The following SIPA1L3 variants were observed in gnomAD, a reference collection of about 807,000 sequenced individuals.
SIPA1L3 encodes signal-induced proliferation-associated 1-like protein 3.
In SIPA1L3, 59 loss-of-function variants were observed where a neutral mutation model predicts 150.1. The observed-to-expected ratio is 0.39, with a 90% confidence interval of 0.32 to 0.49. The LOEUF (loss-of-function observed/expected upper bound fraction) is 0.49, where lower values mean the gene tolerates loss of function less well. Ranked by LOEUF, SIPA1L3 falls within the 20% of genes least tolerant of loss-of-function variation. The probability of loss-of-function intolerance (pLI) is 0.86; values close to 1 mark genes in which losing one functional copy is unlikely to be tolerated. For synonymous variants in SIPA1L3, 1,070 were observed against 1,077.6 expected (o/e 0.99, Z 0.14); for missense variants, 2,211 against 2,489.5 (o/e 0.89, Z 2.38).
In SIPA1L3 at chr19:38,141,279, C is replaced by T. The variant is rs1371938634; in HGVS notation, c.3239C>T (p.Ala1080Val). Residue 1080 changes from alanine to valine, a missense_variant, in exon 11 of 22, where the codon GCT (alanine) becomes GTT (valine). Around this residue, in one of 5 missense-constraint regions of SIPA1L3, gnomAD observed 806 missense variants for 870.1 expected, o/e 0.93. Transcript: ENST00000222345. ...PGGRPPYRSN[A>V]PWQWSGPASH... ...GGCCGGCCCCCCTACCGCAGCAATG[C>T]TCCCTGGCAGTGGAGCGGGCCCGCA... is the stretch of plus-strand genomic sequence containing the variant. 3.1e-6 allele frequency: 5 copies of T among 1,613,910 alleles called. No individual in the cohort carries two copies. Among genetic ancestry groups the T allele is most frequent in the Middle Eastern group, 1.7e-4 (1 of 6,060 alleles).
chr19:38,161,340 CA>C (rs952754406), intron 13 of SIPA1L3, among the ~76,000 whole-genome samples: 270 of 46,438 alleles, frequency 5.8e-3, no homozygotes, highest in African/African-American at 0.015. Flanking sequence ...GACTCCGTCT[CA>C]AAAAAAAAAA....
At chr19:38,168,741 C>T in intron 15 of SIPA1L3, among the ~76,000 whole-genome samples, 1 of 152,112 alleles carries the variant, frequency 6.6e-6, no homozygotes, top group South Asian at 2.1e-4. Flanking sequence ...TCTGCTGAAC[C>T]CAGAAATGAA....
intron 2 of SIPA1L3, among the ~76,000 whole-genome samples, chr19:38,060,357 T>C (rs1226539994): frequency 1.3e-5 from 2 of 152,220 alleles, no homozygotes; most frequent in Non-Finnish European, 2.9e-5. Flanking sequence ...AGTTCTAATA[T>C]TTGTACATTT....
chr19:37,946,737 A>C (rs192471866), intron 1 of SIPA1L3, among the ~76,000 whole-genome samples: 46 of 151,500 alleles, frequency 3.0e-4, no homozygotes, highest in African/African-American at 1.1e-3. Flanking sequence ...GTGTTGTTAG[A>C]GCTATTTTTC....
At position 38,083,047 on chromosome 19, in the gene SIPA1L3, C is replaced by T. The variant is rs2145826773; in HGVS notation, c.1482C>T (p.Ile494=). The T allele has an allele frequency of 6.2e-7, 1 of 1,612,966 alleles. No homozygotes were observed. Among genetic ancestry groups the T allele is most frequent in the Non-Finnish European group, 8.5e-7 (1 of 1,180,032 alleles). ...RTQSRPRQYS[I]EHVDLGARYY... is the part of the protein sequence containing the mutation. ...AGAGTCGGCCCCGGCAGTACAGCAT[C>T]GAGCATGTGGACCTGGGCGCCCGCT... is the stretch of plus-strand genomic sequence containing the variant. The change falls in exon 3 of 22, where the codon ATC becomes ATT. Residue 494 remains isoleucine (I), a synonymous_variant. Transcript: ENST00000222345.
rs538272743 is a variant in SIPA1L3, at chr19:37,981,616, C to T, written c.-378-47473C>T. Among the ~76,000 whole-genome samples, 9 of 152,230 alleles carry T rather than the reference C, an allele frequency of 5.9e-5. No individual in the cohort carries two copies. In the South Asian group the frequency reaches 1.7e-3, roughly 28 times the overall value. On this transcript the variant is annotated intron_variant, in intron 1 of 21. Transcript: ENST00000222345. ...TATTATTATTCCTATTATTTCACAG[C>T]CTCTGCTGTACAGTATTGTCAGATG...
intron 16 of SIPA1L3, among the ~76,000 whole-genome samples, chr19:38,191,346 G>A (rs149124186): frequency 0.018 from 2,714 of 151,842 alleles, 79 homozygotes; most frequent in African/African-American, 0.061. Context: ...GCTGCAGTGA[G>A]CTGTGATCAC....
At chr19:38,148,798 C>CA (rs1971757027) in intron 12 of SIPA1L3, among the ~76,000 whole-genome samples, 2 of 152,164 alleles carry the variant, frequency 1.3e-5, no homozygotes, top group African/African-American at 4.8e-5. Context: ...TGCCTGGAGA[C>CA]ATCTGAAACC....
At chr19:37,917,733 AG>A (rs770516549) in intron 1 of SIPA1L3, among the ~76,000 whole-genome samples, 1 of 152,202 alleles carries the variant, frequency 6.6e-6, no homozygotes, top group Non-Finnish European at 1.5e-5. Context: ...GGCCGGTCGT[AG>A]AAGATCATAC....
At position 38,195,282 on chromosome 19, in the gene SIPA1L3, C is replaced by G. The variant is rs923614522; in HGVS notation, c.4840+1502C>G. ...GGTCACTCTTGTCCTTCAGGGCTGGCTCCATTCCTGCTTTTTCCTGGAAGG... is the reference window on the plus strand; with the variant it reads ...GGTCACTCTTGTCCTTCAGGGCTGGGTCCATTCCTGCTTTTTCCTGGAAGG... On this transcript the variant is annotated intron_variant, in intron 18 of 21. Transcript: ENST00000222345. 2.0e-5 allele frequency among the ~76,000 whole-genome samples: 3 copies of G among 152,304 alleles called. No individual in the cohort carries two copies. The East Asian group carries it at 5.8e-4, about 29-fold the overall frequency.
chr19:38,170,970 GACAC>G (rs35105393), intron 15 of SIPA1L3, among the ~76,000 whole-genome samples: 53 of 151,734 alleles, frequency 3.5e-4, no homozygotes, highest in African/African-American at 1.3e-3. Flanking sequence ...CATATATATA[GACAC>G]ACACACTTTC....
chr19:37,967,012 A>T (rs901723608), intron 1 of SIPA1L3, among the ~76,000 whole-genome samples: 7 of 152,252 alleles, frequency 4.6e-5, no homozygotes, highest in East Asian at 1.9e-4. Flanking sequence ...GGTAGCCTAA[A>T]CAACAGAAAT....
chr19:37,932,367 C>A (rs193019458), intron 1 of SIPA1L3: 2 of 152,280 alleles, frequency 1.3e-5, no homozygotes, highest in African/African-American at 4.8e-5. Context: ...TTTCCCTCCC[C>A]CAAAGGGAAT....
At chr19:38,174,140 G>C (rs938083265) in intron 15 of SIPA1L3, among the ~76,000 whole-genome samples, 2 of 152,166 alleles carry the variant, frequency 1.3e-5, no homozygotes, top group African/African-American at 4.8e-5. Context: ...TGACAATACA[G>C]GTGGCAGTGG....
chr19:38,123,819 C>T (rs930467332), intron 9 of SIPA1L3, among the ~76,000 whole-genome samples: 1 of 121,780 alleles, frequency 8.2e-6, no homozygotes, highest in Non-Finnish European at 1.7e-5. Context: ...CAGAGGGGCT[C>T]CTCACTTCCC....
chr19:37,939,084 A>G (rs2046628349), intron 1 of SIPA1L3, among the ~76,000 whole-genome samples: 1 of 152,064 alleles, frequency 6.6e-6, no homozygotes, highest in Non-Finnish European at 1.5e-5. Context: ...CAATTCCATG[A>G]TACCTTTTTG....
chr19:38,172,317 G>A (rs11882737), intron 15 of SIPA1L3, among the ~76,000 whole-genome samples: 10,344 of 152,176 alleles, frequency 0.068, 1,050 homozygotes, highest in African/African-American at 0.21. Flanking sequence ...GAGGCAGAGT[G>A]GGGCAGCCAG....
At position 38,082,662 on chromosome 19, in the gene SIPA1L3, G is replaced by A. The variant is rs1204400975; in HGVS notation, c.1097G>A (p.Arg366Gln). ...AACAGGGTGTCGGTGTCGCAGCGGC[G>A]GAACACCACCACGGGTGCTTCGGCC... ...AANRVSVSQR[R>Q]NTTTGASAAS... is the part of the protein sequence containing the mutation. The change falls in exon 3 of 22, where the codon CGG becomes CAG. Residue 366 changes from arginine (R) to glutamine (Q), a missense_variant. Physicochemically the swap from Arg to Gln is conservative, Grantham distance 43. Around this residue, in one of 5 missense-constraint regions of SIPA1L3, gnomAD observed 587 missense variants for 534.5 expected, o/e 1.10. Coordinates refer to ENST00000222345, the MANE Select transcript of SIPA1L3 (RefSeq NM_015073.3). The A allele has an allele frequency of 9.3e-6, 15 of 1,607,998 alleles. No homozygotes were observed. The highest frequency in any genetic ancestry group is 1.3e-5 in the Non-Finnish European group (15 of 1,179,544).
chr19:37,943,729 G>GGT (rs928762741), intron 1 of SIPA1L3, among the ~76,000 whole-genome samples: 3 of 151,980 alleles, frequency 2.0e-5, no homozygotes, highest in Non-Finnish European at 2.9e-5. Context: ...CCACTCACAG[G>GGT]GTGTGTGTTG....
Sources: gnomAD v4.1 joint callset for allele counts (sites outside exome capture counted in the v4.1 genomes callset) on GRCh38, gnomAD v4.1.1 for gene constraint, gnomAD v4.1.1 regional missense constraint, MANE v1.5 for transcripts, NCBI Gene and HGNC (gene_info 2026-07-23, HGNC 2026-07-21) for gene names.